The following TEX9 variants were observed in gnomAD, a reference collection of about 807,000 sequenced individuals.
TEX9 encodes testis-expressed protein 9.
Under a neutral mutation model 59.6 loss-of-function variants are expected in TEX9, and 74 were observed. The ratio of observed to expected loss-of-function variants is 1.24; its 90% confidence interval spans 1.03 to 1.51. The LOEUF is 1.51. TEX9 is among the 40% of genes most tolerant of loss of function. The probability of loss-of-function intolerance (pLI) is 0.00; values close to 1 mark genes in which losing one functional copy is unlikely to be tolerated. For missense variants in TEX9, 522 were observed against 447.8 expected (o/e 1.17, Z -1.49); for synonymous variants, 186 against 152.2 (o/e 1.22, Z -1.64).
chr15:56,277,987 T>A (rs1483006275), intron 1 of TEX9, among the ~76,000 whole-genome samples: 1 of 152,134 alleles, frequency 6.6e-6, no homozygotes, highest in African/African-American at 2.4e-5. Context: ...CCTTTTTATT[T>A]CTTTGGTTTC....
intron 1 of TEX9, among the ~76,000 whole-genome samples, chr15:56,262,426 A>G (rs2044288526): frequency 6.6e-6 from 1 of 152,152 alleles, no homozygotes; most frequent in African/African-American, 2.4e-5. Flanking sequence ...TGTTTCTATT[A>G]GTTGGTTTTC....
At chr15:56,369,044 A>C (rs550287499) in intron 2 of TEX9, among the ~76,000 whole-genome samples, 2 of 152,112 alleles carry the variant, frequency 1.3e-5, no homozygotes, top group African/African-American at 4.8e-5. Flanking sequence ...ACTGTAGGTT[A>C]ACTATATTCC....
chr15:56,284,103 A>G (rs1349256138), intron 1 of TEX9, among the ~76,000 whole-genome samples: 1 of 152,206 alleles, frequency 6.6e-6, no homozygotes, highest in Non-Finnish European at 1.5e-5. Context: ...CATTTTAGCA[A>G]TGTGTCAAGT....
At chr15:56,411,326 G>C (rs1242572659) in intron 9 of TEX9, among the ~76,000 whole-genome samples, 2 of 152,106 alleles carry the variant, frequency 1.3e-5, no homozygotes, top group Non-Finnish European at 2.9e-5. Context: ...CTATAGTGGG[G>C]GAAATAAAGT....
chr15:56,304,262 C>A (rs180805840), intron 1 of TEX9, among the ~76,000 whole-genome samples: 1 of 152,294 alleles, frequency 6.6e-6, no homozygotes, highest in African/African-American at 2.4e-5. Flanking sequence ...TTTGCTCTAG[C>A]TAGGACTTCC....
intron 3 of TEX9, among the ~76,000 whole-genome samples, chr15:56,376,794 G>A (rs2047474524): frequency 6.6e-6 from 1 of 151,992 alleles, no homozygotes; most frequent in Non-Finnish European, 1.5e-5. Flanking sequence ...GGTGACTTTT[G>A]CTTGTGGTGT....
the TEX9 span, among the ~76,000 whole-genome samples, chr15:56,459,630 C>T: frequency 6.6e-6 from 1 of 151,940 alleles, no homozygotes; most frequent in Non-Finnish European, 1.5e-5. Flanking sequence ...TTGTCAAGGT[C>T]ATGAAAGACA....
At chr15:56,351,609 CTG>C (rs1478909506) in intron 1 of TEX9, among the ~76,000 whole-genome samples, 1 of 152,154 alleles carries the variant, frequency 6.6e-6, no homozygotes, top group Non-Finnish European at 1.5e-5. Flanking sequence ...TGAATGATCT[CTG>C]TGTCTTTAGT....
intron 1 of TEX9, among the ~76,000 whole-genome samples, chr15:56,337,932 A>G (rs1417415216): frequency 6.6e-6 from 1 of 152,140 alleles, no homozygotes; most frequent in Non-Finnish European, 1.5e-5. Flanking sequence ...GATCCTTTTG[A>G]TTATTTCAGG....
chr15:56,308,623 A>C (rs1342366804), intron 1 of TEX9, among the ~76,000 whole-genome samples: 1 of 152,126 alleles, frequency 6.6e-6, no homozygotes, highest in Non-Finnish European at 1.5e-5. Flanking sequence ...TATCTAAGAA[A>C]TCATTCCTGA....
chr15:56,446,797 T>C (rs1452280181), downstream of TEX9: 1 of 1,414,722 alleles, frequency 7.1e-7, no homozygotes. Flanking sequence ...TAATTTTTAT[T>C]TTCTAAATGA....
chr15:56,342,272 G>A (rs146343566), intron 1 of TEX9, among the ~76,000 whole-genome samples: 2 of 152,084 alleles, frequency 1.3e-5, no homozygotes, highest in Non-Finnish European at 2.9e-5. Context: ...GGTAGGAAAT[G>A]TTATTATCCC....
chr15:56,444,637 C>T, intron 12 of TEX9: 2 of 1,611,692 alleles, frequency 1.2e-6, no homozygotes, highest in Non-Finnish European at 1.7e-6. Context: ...CTCTTGTGTT[C>T]TTCCATCATG....
intron 10 of TEX9, among the ~76,000 whole-genome samples, chr15:56,416,398 T>G (rs2049687820): frequency 6.6e-6 from 1 of 151,930 alleles, no homozygotes. Context: ...CCAATATCTA[T>G]GTTATTTAGA....
At chr15:56,281,300 C>A (rs1242010426) in intron 1 of TEX9, among the ~76,000 whole-genome samples, 1 of 152,178 alleles carries the variant, frequency 6.6e-6, no homozygotes, top group Non-Finnish European at 1.5e-5. Flanking sequence ...GGTCCCTAAC[C>A]CCCAGGCTGC....
intron 12 of TEX9, chr15:56,431,253 A>G (rs1396936293): frequency 2.0e-5 from 23 of 1,164,022 alleles, no homozygotes; most frequent in Admixed American, 2.3e-5. Context: ...GGAGGATCCC[A>G]TTGCTGCTTC....
chr15:56,307,388 A>G (rs776650262), intron 1 of TEX9, among the ~76,000 whole-genome samples: 1 of 152,010 alleles, frequency 6.6e-6, no homozygotes, highest in East Asian at 1.9e-4. Flanking sequence ...GCTGTTTCCA[A>G]TTTCCCTCAC....
intron 1 of TEX9, among the ~76,000 whole-genome samples, chr15:56,356,413 G>A (rs1476975214): frequency 6.6e-6 from 1 of 151,882 alleles, no homozygotes; most frequent in Non-Finnish European, 1.5e-5. Flanking sequence ...ATTTATTTAG[G>A]CCTGCATGCA....
At chr15:56,284,023 G>C (rs1379906031) in intron 1 of TEX9, among the ~76,000 whole-genome samples, 1 of 152,214 alleles carries the variant, frequency 6.6e-6, no homozygotes, top group Non-Finnish European at 1.5e-5. Flanking sequence ...ATAGTGCAAT[G>C]TCTAATATTA....
Sources: allele counts gnomAD v4.1 joint callset (sites outside exome capture counted in the v4.1 genomes callset), GRCh38; gene constraint gnomAD v4.1.1; transcripts MANE v1.5; gene names NCBI Gene and HGNC (gene_info 2026-07-23, HGNC 2026-07-21).